PRKN: variants seen among roughly 807,000 people sequenced by gnomAD.
PRKN encodes E3 ubiquitin-protein ligase parkin.
A neutral mutation model predicts 59.5 loss-of-function variants in PRKN; 56 were observed. That is an observed-to-expected ratio of 0.94 (90% confidence interval 0.76 to 1.18). The LOEUF is 1.18. Among genes scored for constraint, PRKN ranks in the 50% most tolerant of loss-of-function variants. The pLI is 0.00. For synonymous variants in PRKN, 250 were observed against 222.1 expected, an observed-to-expected ratio of 1.13 and a Z score of -1.12; for missense variants, 657 against 596.4, an observed-to-expected ratio of 1.10 and a Z score of -1.06.
chr6:162,463,440 G>A (rs1159827456), intron 1 of PRKN, among the ~76,000 whole-genome samples: 3 of 152,170 alleles, frequency 2.0e-5, no homozygotes, highest in Non-Finnish European at 4.4e-5. Flanking sequence ...TTCCAAGGGG[G>A]TTTGTATAGG....
intron 9 of PRKN, among the ~76,000 whole-genome samples, chr6:161,485,054 C>A (rs929039681): frequency 6.6e-6 from 1 of 152,170 alleles, no homozygotes; most frequent in Non-Finnish European, 1.5e-5. Context: ...ATTTTGGTCA[C>A]ATATTAGCTT....
At chr6:162,516,363 T>G (rs1777856610) in intron 1 of PRKN, among the ~76,000 whole-genome samples, 1 of 152,168 alleles carries the variant, frequency 6.6e-6, no homozygotes, top group Admixed American at 6.5e-5. Flanking sequence ...ATGAAGCAGA[T>G]TAAGTCCCAC....
chr6:162,253,718 G>C (rs553897738), intron 3 of PRKN, among the ~76,000 whole-genome samples: 40 of 151,796 alleles, frequency 2.6e-4, no homozygotes, highest in African/African-American at 8.7e-4. Context: ...ATGCCACAAT[G>C]GGAGAGTTAA....
In PRKN at chr6:162,050,372, T is replaced by C. The variant is rs1437936356; in HGVS notation, c.618+3719A>G. On this transcript the variant is annotated intron_variant, in intron 5 of 11. Transcript: ENST00000366898. ...TCATTGTCTTTCACATTTCAGTTAGTGCATTTCCATTTCTTTTCATTTCTG... is the reference window on the plus strand; with the variant it reads ...TCATTGTCTTTCACATTTCAGTTAGCGCATTTCCATTTCTTTTCATTTCTG... Among the ~76,000 whole-genome samples, 10 of 152,200 alleles carry C rather than the reference T, an allele frequency of 6.6e-5. No homozygotes were observed. In the East Asian group the frequency reaches 1.2e-3, roughly 18 times the overall value.
At chr6:161,915,453 T>C (rs967695358) in intron 6 of PRKN, among the ~76,000 whole-genome samples, 9 of 152,206 alleles carry the variant, frequency 5.9e-5, no homozygotes, top group Admixed American at 3.9e-4. Context: ...TTTTAAAGGC[T>C]TGAAATCCAA....
At chr6:161,980,330 A>G (rs1405375853) in intron 5 of PRKN, among the ~76,000 whole-genome samples, 1 of 152,234 alleles carries the variant, frequency 6.6e-6, no homozygotes, top group East Asian at 1.9e-4. Context: ...TTCTCTTGAT[A>G]AAGTAATGGG....
intron 9 of PRKN, among the ~76,000 whole-genome samples, chr6:161,436,466 G>C (rs951581090): frequency 2.6e-5 from 4 of 151,744 alleles, no homozygotes; most frequent in African/African-American, 7.3e-5. Context: ...TTTTTGGGGG[G>C]GGGTGGGCGG....
chr6:162,363,412 C>T (rs1474325184), intron 2 of PRKN, among the ~76,000 whole-genome samples: 6 of 152,096 alleles, frequency 3.9e-5, no homozygotes, highest in African/African-American at 1.4e-4. Context: ...CATATGCCAT[C>T]GAGGTACCTG....
intron 1 of PRKN, among the ~76,000 whole-genome samples, chr6:162,509,299 G>A (rs1401638781): frequency 6.6e-6 from 1 of 152,052 alleles, no homozygotes; most frequent in Non-Finnish European, 1.5e-5. Context: ...CTTTTGTTTG[G>A]TTTGGCACAG....
intron 6 of PRKN, among the ~76,000 whole-genome samples, chr6:161,812,950 A>G (rs1189225398): frequency 6.6e-6 from 1 of 152,248 alleles, no homozygotes; most frequent in Admixed American, 6.5e-5. Flanking sequence ...AAATGGTCAC[A>G]GCAGCATTAT....
Position 162,183,362 on chromosome 6 carries a change from G to A in PRKN, c.534+17769C>T, listed in dbSNP as rs147427817. Among the ~76,000 whole-genome samples the A allele has an allele frequency of 2.1e-3, 325 of 152,300 alleles. 2 individuals carry two copies. Among genetic ancestry groups the A allele is most frequent in the African/African-American group, 7.5e-3 (312 of 41,566 alleles). ...CTGCTACTGACAGGGAACTCACACAGGCCACATGGAGCTGTTTCCCTGCCA... is the reference window on the plus strand; with the variant it reads ...CTGCTACTGACAGGGAACTCACACAAGCCACATGGAGCTGTTTCCCTGCCA... On this transcript the variant is annotated intron_variant, in intron 4 of 11. Transcript: ENST00000366898.
chr6:162,472,806 A>T (rs1458277573), intron 1 of PRKN, among the ~76,000 whole-genome samples: 1 of 141,820 alleles, frequency 7.1e-6, no homozygotes, highest in African/African-American at 2.5e-5. Flanking sequence ...CTTTTATTTT[A>T]TATATATATA....
intron 7 of PRKN, among the ~76,000 whole-genome samples, chr6:161,629,752 T>A (rs1170520692): frequency 6.6e-6 from 1 of 152,204 alleles, no homozygotes; most frequent in Non-Finnish European, 1.5e-5. Flanking sequence ...TTCAGGAAGA[T>A]GCTGCACATA....
chr6:161,879,286 G>A (rs555999123), intron 6 of PRKN, among the ~76,000 whole-genome samples: 40 of 150,064 alleles, frequency 2.7e-4, no homozygotes, highest in Non-Finnish European at 5.6e-4. Context: ...ATTACCAAGT[G>A]TATGGGAAGT....
intron 6 of PRKN, among the ~76,000 whole-genome samples, chr6:161,835,729 C>T (rs75419961): frequency 0.024 from 3,583 of 152,266 alleles, 159 homozygotes; most frequent in African/African-American, 0.081. Context: ...TTCTATCAGC[C>T]GGCAGCACGT....
chr6:161,592,385 C>T lies in PRKN; in HGVS notation c.872-22969G>A, dbSNP rs937144705. 5.3e-5 allele frequency among the ~76,000 whole-genome samples: 8 copies of T among 152,134 alleles called. No individual in the cohort carries two copies. Among genetic ancestry groups the T allele is most frequent in the African/African-American group, 1.4e-4 (6 of 41,412 alleles). On this transcript the variant is annotated intron_variant, in intron 7 of 11. Coordinates refer to ENST00000366898, the MANE Select transcript of PRKN (RefSeq NM_004562.3). This position sits in a 1 kb window ranked among gnomAD's most constrained non-coding sequence, Gnocchi z 4.8. Reference sequence around the variant, plus strand: ...GTTAATTTTGATTAGTTTTAATATTCTCTTTAATATACTCTTCTGTTTATA... The same window carrying T: ...GTTAATTTTGATTAGTTTTAATATTTTCTTTAATATACTCTTCTGTTTATA...
chr6:162,210,073 G>A (rs1387518497), intron 3 of PRKN, among the ~76,000 whole-genome samples: 1 of 120,590 alleles, frequency 8.3e-6, no homozygotes, highest in Non-Finnish European at 1.8e-5. Flanking sequence ...GGTATGTTGT[G>A]CACATGCACC....
intron 7 of PRKN, among the ~76,000 whole-genome samples, chr6:161,658,030 A>AAAAAAAAAAAAAAAAAAAAAAAAAAG (rs781518268): frequency 6.9e-4 from 72 of 104,874 alleles, no homozygotes; most frequent in East Asian, 9.5e-4. Context: ...AAAAAAAAAA[A>AAAAAAAAAAAAAAAAAAAAAAAAAAG]AAAAGAAAAG....
At chr6:161,946,998 A>G (rs1779807911) in intron 6 of PRKN, among the ~76,000 whole-genome samples, 1 of 152,088 alleles carries the variant, frequency 6.6e-6, no homozygotes. Context: ...TTCTAAGAGT[A>G]ATATTCTATG....
Sources: gnomAD v4.1 joint callset for allele counts (sites outside exome capture counted in the v4.1 genomes callset) on GRCh38, gnomAD v4.1.1 for gene constraint, Gnocchi (gnomAD v3.1) non-coding constraint, MANE v1.5 for transcripts, NCBI Gene and HGNC (gene_info 2026-07-23, HGNC 2026-07-21) for gene names.